Variants in OSBPL5 observed in about 807,000 individuals in gnomAD.
OSBPL5 encodes oxysterol binding protein like 5.
OSBPL5 carries 71 observed loss-of-function variants against 111.2 expected under a neutral mutation model. That is an observed-to-expected ratio of 0.64 (90% CI 0.53 to 0.78). OSBPL5 has a LOEUF of 0.78. OSBPL5 is among the 30% of genes least tolerant of loss of function. The probability of loss-of-function intolerance (pLI) is 0.00; values close to 1 mark genes in which losing one functional copy is unlikely to be tolerated. For missense variants in OSBPL5, 1,210 were observed against 1,189.3 expected (o/e 1.02, Z -0.26); for synonymous variants, 549 against 513.9 (o/e 1.07, Z -0.93).
intron 1 of OSBPL5, among the ~76,000 whole-genome samples, chr11:3,157,071 G>T (rs1481729169): frequency 5.2e-5 from 8 of 152,394 alleles, no homozygotes; most frequent in African/African-American, 1.9e-4. Context: ...CGTGAAGGAT[G>T]CCTTTGCAGG....
At chr11:3,099,230 T>C (rs1197459818) in intron 14 of OSBPL5, among the ~76,000 whole-genome samples, 2 of 152,206 alleles carry the variant, frequency 1.3e-5, no homozygotes, top group Non-Finnish European at 2.9e-5. Flanking sequence ...AATATGTGGC[T>C]CCATCTAGTC....
In OSBPL5 at chr11:3,130,413, G is replaced by C. The variant is rs895086933; in HGVS notation, c.-21-1244C>G. ...CATGGTCCTGGGCTTTGCTGGGGGG[G>C]GCCTCAGACACACAGAGACTTTCCT... On this transcript the variant is annotated intron_variant, in intron 1 of 21. Transcript: ENST00000263650. This position sits in a 1 kb window ranked among gnomAD's most constrained non-coding sequence, Gnocchi z 4.5. 3.3e-5 allele frequency among the ~76,000 whole-genome samples: 5 copies of C among 152,248 alleles called. No individual in the cohort carries two copies. The highest frequency in any genetic ancestry group is 9.6e-5 in the African/African-American group (4 of 41,464).
intron 10 of OSBPL5, 122 bp from the exon 11 acceptor site, chr11:3,103,442 GC>G: frequency 1.2e-6 from 1 of 816,808 alleles, no homozygotes; most frequent in Non-Finnish European, 1.9e-6. Flanking sequence ...AGGCCACTTG[GC>G]CCAGGCGCTC....
At chr11:3,147,742 G>A (rs545998651) in intron 1 of OSBPL5, among the ~76,000 whole-genome samples, 26 of 152,338 alleles carry the variant, frequency 1.7e-4, no homozygotes, top group African/African-American at 5.3e-4. Context: ...GCGTGGGTGC[G>A]TCGGGGCAGG....
intron 14 of OSBPL5, among the ~76,000 whole-genome samples, chr11:3,098,247 A>G (rs1194972019): frequency 1.3e-5 from 2 of 151,830 alleles, no homozygotes; most frequent in African/African-American, 2.4e-5. Flanking sequence ...GCAAAGAGAT[A>G]AGAGATACGA....
At chr11:3,102,808 G>A (rs1228002833) in intron 11 of OSBPL5, among the ~76,000 whole-genome samples, 1 of 152,226 alleles carries the variant, frequency 6.6e-6, no homozygotes, top group Non-Finnish European at 1.5e-5. Flanking sequence ...TACAACGAGA[G>A]CAGCCCTGCT....
At chr11:3,148,774 T>TC (rs755087016) in intron 1 of OSBPL5, among the ~76,000 whole-genome samples, 10 of 152,120 alleles carry the variant, frequency 6.6e-5, no homozygotes, top group Admixed American at 4.6e-4. Flanking sequence ...CAGCATTGCA[T>TC]CTCCCAGAGG....
intron 21 of OSBPL5, 91 bp downstream of exon 21, chr11:3,089,755 C>A: frequency 2.3e-6 from 3 of 1,277,948 alleles, no homozygotes; most frequent in Non-Finnish European, 3.3e-6. Flanking sequence ...CAGCCGCGGC[C>A]TCCTGGCCTC....
chr11:3,088,054 G>C lies in OSBPL5; in HGVS notation c.*151C>G, dbSNP rs1335249787. 16 of 669,826 alleles carry C rather than the reference G, an allele frequency of 2.4e-5. No individual in the cohort carries two copies. The highest frequency in any genetic ancestry group is 3.2e-5 in the Non-Finnish European group (14 of 435,522). The allele number at this position is 669,826 out of a possible 1,614,324, so 41.5% of individuals were successfully genotyped here. On this transcript the variant is annotated 3_prime_UTR_variant, in exon 22 of 22. Transcript: ENST00000263650. ...GGCCCAGCACACCTGGGCCCGCAGCGCCTTGTGGCCCCGGGTCCCTCCTGC... is the reference window on the plus strand; with the variant it reads ...GGCCCAGCACACCTGGGCCCGCAGCCCCTTGTGGCCCCGGGTCCCTCCTGC...
chr11:3,112,640 C>T (rs1858044685), intron 7 of OSBPL5, among the ~76,000 whole-genome samples: 1 of 152,124 alleles, frequency 6.6e-6, no homozygotes, highest in African/African-American at 2.4e-5. Context: ...ATAATTCTCC[C>T]TTTCTGGAGA....
intron 15 of OSBPL5, 54 bp from the exon 16 acceptor site, chr11:3,093,889 A>G: frequency 6.4e-7 from 1 of 1,559,000 alleles, no homozygotes; most frequent in Non-Finnish European, 8.7e-7. Context: ...GGGCCTCCAG[A>G]ATCACATCCT....
chr11:3,091,977 G>A (rs1315534429), intron 19 of OSBPL5, among the ~76,000 whole-genome samples: 1 of 152,152 alleles, frequency 6.6e-6, no homozygotes, highest in African/African-American at 2.4e-5. Flanking sequence ...CTAAGGCATG[G>A]CACCAAGACA....
rs56869244 is a variant in OSBPL5, at chr11:3,122,435, G to A, written c.220-7C>T. On this transcript the variant is annotated splice_region_variant and splice_polypyrimidine_tract_variant and intron_variant, in intron 3 of 21. Transcript: ENST00000263650. ...TGCACAGCCTGTACTCTGCCTGAAA[G>A]AGAGAGGTGGGTATGCGGGACAGGG... The A allele has an allele frequency of 3.1e-3, 5,065 of 1,613,338 alleles. 145 individuals are homozygous for A. In the African/African-American group the frequency reaches 0.06, roughly 19 times the overall value.
intron 1 of OSBPL5, among the ~76,000 whole-genome samples, chr11:3,149,767 C>T (rs986506464): frequency 4.6e-5 from 7 of 152,240 alleles, no homozygotes; most frequent in Admixed American, 2.0e-4. Context: ...GACCAGTCAA[C>T]GGGTGGTCAC....
rs2134513919 is a variant in OSBPL5, at chr11:3,142,361, C to T, written c.-21-13192G>A. Among the ~76,000 whole-genome samples the T allele has an allele frequency of 6.6e-6, 1 of 152,288 alleles. No individual in the cohort carries two copies. Among genetic ancestry groups the T allele is most frequent in the Middle Eastern group, 3.4e-3 (1 of 294 alleles). On this transcript the variant is annotated intron_variant, in intron 1 of 21. Coordinates refer to ENST00000263650, the MANE Select transcript of OSBPL5 (RefSeq NM_020896.4). This position sits in a 1 kb window ranked among gnomAD's most constrained non-coding sequence, Gnocchi z 7.1. ...TGGGGGAGTGCAATGCCCAGATGGT[C>T]CAAGAGAACACTTTCTGGGCTGCTG...
Position 3,113,715 on chromosome 11 carries a change from T to C in OSBPL5, c.692-5770A>G, listed in dbSNP as rs1166028602. On this transcript the variant is annotated intron_variant, in intron 7 of 21. Transcript: ENST00000263650. The surrounding 1 kb of genome is among the most constrained non-coding windows in gnomAD (Gnocchi z 4.8). ...AGCTACATCTTAAATTTAGTAAGAT[T>C]ACCATAACTTCTAATCTGGTGGCTT... Among the ~76,000 whole-genome samples, 2 of 152,214 alleles carry C rather than the reference T, an allele frequency of 1.3e-5. No individual in the cohort carries two copies. Among genetic ancestry groups the C allele is most frequent in the Non-Finnish European group, 2.9e-5 (2 of 68,030 alleles).
At position 3,090,676 on chromosome 11, in the gene OSBPL5, C is replaced by A; in HGVS notation, c.2280G>T (p.Arg760=). ...PRHERSGPDQ[R]LRKASDQPSG... ...AGGGCTGGTCGCTGGCCTTGCGAAGCCGCTGGTCTGGGCCAGACCTCTGCA... is the reference window on the plus strand; with the variant it reads ...AGGGCTGGTCGCTGGCCTTGCGAAGACGCTGGTCTGGGCCAGACCTCTGCA... The change falls in exon 20 of 22, where the codon CGG becomes CGT. Residue 760 remains arginine, a synonymous_variant. Coordinates refer to ENST00000263650, the MANE Select transcript of OSBPL5 (RefSeq NM_020896.4). 1 of 1,612,010 alleles carries A rather than the reference C, an allele frequency of 6.2e-7. No homozygotes were observed. Among genetic ancestry groups the A allele is most frequent in the Non-Finnish European group, 8.5e-7 (1 of 1,179,698 alleles).
rs1312459432 is a variant in OSBPL5 at position 3,121,919 on chromosome 11, A to C, written c.402+78T>G. On this transcript the variant is annotated intron_variant, in intron 5 of 21. Transcript: ENST00000263650. The surrounding 1 kb of genome is among the most constrained non-coding windows in gnomAD (Gnocchi z 4.3). Reference sequence around the variant, plus strand: ...AAGTGAATTTCCATCGTTTCAGGCCACCTGGTTTATGGTCCTTTGTTATGG... The same window carrying C: ...AAGTGAATTTCCATCGTTTCAGGCCCCCTGGTTTATGGTCCTTTGTTATGG... 7.6e-7 allele frequency: 1 copy of C among 1,311,218 alleles called. No homozygotes were observed. The highest frequency in any genetic ancestry group is 1.1e-6 in the Non-Finnish European group (1 of 944,548). The allele number at this position is 1,311,218 out of a possible 1,614,324, so 81.2% of individuals were successfully genotyped here. A position where few individuals can be genotyped will look rare whatever the true frequency, so the allele number is the denominator to read the frequency against.
intron 1 of OSBPL5, among the ~76,000 whole-genome samples, chr11:3,155,286 T>A (rs910958318): frequency 6.6e-6 from 1 of 152,110 alleles, no homozygotes; most frequent in Non-Finnish European, 1.5e-5. Context: ...CCTTGACACA[T>A]CTGGAGGTGC....
Sources: allele counts gnomAD v4.1 joint callset (sites outside exome capture counted in the v4.1 genomes callset), GRCh38; gene constraint gnomAD v4.1.1; non-coding constraint Gnocchi (gnomAD v3.1); transcripts MANE v1.5; gene names NCBI Gene and HGNC (gene_info 2026-07-23, HGNC 2026-07-21).